The following MYO3B variants were observed in gnomAD, a reference collection of about 807,000 sequenced individuals.
MYO3B encodes the protein myosin IIIB.
A neutral mutation model predicts 174.6 loss-of-function variants in MYO3B; 156 were observed. The ratio of observed to expected loss-of-function variants is 0.89; its 90% confidence interval spans 0.78 to 1.02. The LOEUF is 1.02. Among genes scored for constraint, MYO3B ranks in the 50% least tolerant of loss-of-function variants. The pLI is 0.00. For synonymous variants in MYO3B, 563 were observed against 569.1 expected (o/e 0.99, Z 0.15); for missense variants, 1,632 against 1,639.4 (o/e 1.00, Z 0.08).
chr2:170,445,529 CG>C (rs2094834952), intron 23 of MYO3B, among the ~76,000 whole-genome samples: 1 of 151,946 alleles, frequency 6.6e-6, no homozygotes, highest in Non-Finnish European at 1.5e-5. Flanking sequence ...TTAGTAGAGA[CG>C]GGGTTTCTCC....
intron 32 of MYO3B, among the ~76,000 whole-genome samples, chr2:170,580,639 A>G (rs915431219): frequency 3.3e-5 from 5 of 152,174 alleles, no homozygotes; most frequent in African/African-American, 1.2e-4. Context: ...TCCGTCTCAA[A>G]AACAAAAACA....
intron 32 of MYO3B, among the ~76,000 whole-genome samples, chr2:170,598,611 C>G (rs940561665): frequency 9.9e-5 from 15 of 152,132 alleles, no homozygotes; most frequent in Non-Finnish European, 1.6e-4. Flanking sequence ...GCCACAGACC[C>G]GAGTCCATTG....
chr2:170,591,518 C>T (rs942981806), intron 32 of MYO3B, among the ~76,000 whole-genome samples: 5 of 152,188 alleles, frequency 3.3e-5, no homozygotes, highest in African/African-American at 1.2e-4. Flanking sequence ...CAAAGGGTGG[C>T]TAACACAGTC....
chr2:170,556,739 C>G (rs1370640296), intron 32 of MYO3B, among the ~76,000 whole-genome samples: 1 of 152,204 alleles, frequency 6.6e-6, no homozygotes, highest in South Asian at 2.1e-4. Flanking sequence ...CCAGGCTGGT[C>G]TCGAACTCCT....
At chr2:170,339,631 A>C (rs1469168499) in intron 8 of MYO3B, among the ~76,000 whole-genome samples, 10 of 152,180 alleles carry the variant, frequency 6.6e-5, no homozygotes, top group Non-Finnish European at 1.3e-4. Context: ...CAGCCTCCTT[A>C]ATTTAGAGAT....
intron 25 of MYO3B, among the ~76,000 whole-genome samples, chr2:170,495,071 G>A (rs564105126): frequency 6.6e-6 from 1 of 152,342 alleles, no homozygotes; most frequent in South Asian, 2.1e-4. Flanking sequence ...AGGCAGCTCA[G>A]GGAAGTCTGG....
At chr2:170,512,523 G>A (rs185175127) in intron 28 of MYO3B, among the ~76,000 whole-genome samples, 15 of 152,242 alleles carry the variant, frequency 9.9e-5, no homozygotes, top group East Asian at 3.9e-4. Flanking sequence ...GGGCAGGAAC[G>A]TTTACCCAGC....
intron 9 of MYO3B, among the ~76,000 whole-genome samples, chr2:170,374,374 A>AG (rs1380091866): frequency 6.6e-6 from 1 of 152,170 alleles, no homozygotes; most frequent in Non-Finnish European, 1.5e-5. Flanking sequence ...AGATTCAGTG[A>AG]GGGGATGATG....
In MYO3B at chr2:170,651,713, C is replaced by T; in HGVS notation, c.3819C>T (p.Thr1273=). 6.2e-7 allele frequency: 1 copy of T among 1,613,958 alleles called. No homozygotes were observed. Among genetic ancestry groups the T allele is most frequent in the Non-Finnish European group, 8.5e-7 (1 of 1,179,934 alleles). ...QPKMLSSPED[T]MYYNQLNGTL... ...AAATGCTGAGTAGCCCTGAGGACACCATGTACTATAACCAGTTAAATGTGA... is the reference window on the plus strand; with the variant it reads ...AAATGCTGAGTAGCCCTGAGGACACTATGTACTATAACCAGTTAAATGTGA... The change falls in exon 33 of 35, where the codon ACC becomes ACT. Residue 1273 remains threonine (T), a synonymous_variant. Transcript: ENST00000408978.
In MYO3B at chr2:170,380,558, G is replaced by A. The variant is rs192442704; in HGVS notation, c.972-1458G>A. Among the ~76,000 whole-genome samples the A allele has an allele frequency of 4.6e-5, 7 of 152,214 alleles. No individual in the cohort carries two copies. The East Asian group carries it at 9.6e-4, about 21-fold the overall frequency. On this transcript the variant is annotated intron_variant, in intron 9 of 34. Transcript: ENST00000408978. ...CTAGCCAATGCTTTCCTCCTAAACC[G>A]CATTGAGGAGTGATGAGTTTATGAA...
chr2:170,230,006 A>T lies in MYO3B; in HGVS notation c.604-5985A>T, dbSNP rs183822665. 3.5e-3 allele frequency among the ~76,000 whole-genome samples: 535 copies of T among 152,198 alleles called. 5 individuals are homozygous for T. The Middle Eastern group carries it at 0.041, about 12-fold the overall frequency. On this transcript the variant is annotated intron_variant, in intron 6 of 34. Coordinates refer to ENST00000408978, the MANE Select transcript of MYO3B (RefSeq NM_138995.5). ...GGGAATTTCATTTGTAAAACTGATT[A>T]AAAAAAATCTGCCACTGGAATAGTT...
At chr2:170,513,663 G>T (rs1688117977) in intron 28 of MYO3B, among the ~76,000 whole-genome samples, 1 of 152,158 alleles carries the variant, frequency 6.6e-6, no homozygotes, top group Non-Finnish European at 1.5e-5. Context: ...AAAAGTTTCA[G>T]GTGCTTTCAT....
At chr2:170,199,539 A>G (rs1362192350) in intron 2 of MYO3B, 148 bp downstream of exon 2, 1 of 661,014 alleles carries the variant, frequency 1.5e-6, no homozygotes, top group Non-Finnish European at 2.4e-6. Flanking sequence ...CTCTGAATGA[A>G]GGGACTCCAC....
intron 7 of MYO3B, among the ~76,000 whole-genome samples, chr2:170,261,260 G>T (rs1033585482): frequency 5.9e-5 from 9 of 152,002 alleles, no homozygotes; most frequent in African/African-American, 2.2e-4. Flanking sequence ...CTGGCCTCAA[G>T]GGATCCCACC....
intron 25 of MYO3B, among the ~76,000 whole-genome samples, chr2:170,473,474 C>T (rs1409482672): frequency 6.6e-6 from 1 of 152,018 alleles, no homozygotes; most frequent in African/African-American, 2.4e-5. Flanking sequence ...TTTATCATCC[C>T]TTGACTCACA....
At chr2:170,374,374 A>G (rs570868940) in intron 9 of MYO3B, among the ~76,000 whole-genome samples, 45 of 152,288 alleles carry the variant, frequency 3.0e-4, no homozygotes, top group Admixed American at 2.4e-3. Context: ...AGATTCAGTG[A>G]GGGGATGATG....
Position 170,400,259 on chromosome 2 carries a change from C to T in MYO3B, c.1863C>T (p.Ser621=). ...GGAACATTGAGTTCGCAGCTATTTC[C>T]TCTCAACATCAGACTGATAAAAGTG... ...NIGNIEFAAI[S]SQHQTDKSEV... Residue 621 remains serine (S), a synonymous_variant, in exon 17 of 35, where the codon TCC becomes TCT. Transcript: ENST00000408978. 4 of 1,614,086 alleles carry T rather than the reference C, an allele frequency of 2.5e-6. No individual in the cohort carries two copies. Among genetic ancestry groups the T allele is most frequent in the Non-Finnish European group, 3.4e-6 (4 of 1,180,006 alleles).
intron 32 of MYO3B, among the ~76,000 whole-genome samples, chr2:170,580,718 A>ATATATATATATGTGTGTGTG (rs768974458): frequency 9.0e-4 from 128 of 142,768 alleles, no homozygotes; most frequent in African/African-American, 3.2e-3. Flanking sequence ...AACCTTATAT[A>ATATATATATATGTGTGTGTG]TGTGTGTGTG....
At chr2:170,228,979 AAAC>A (rs1309927146) in intron 6 of MYO3B, among the ~76,000 whole-genome samples, 9 of 150,522 alleles carry the variant, frequency 6.0e-5, no homozygotes, top group Admixed American at 2.0e-4. Flanking sequence ...AAAAAAAAAA[AAAC>A]AACGAATCTC....
Sources: gnomAD v4.1 joint callset for allele counts (sites outside exome capture counted in the v4.1 genomes callset) on GRCh38, gnomAD v4.1.1 for gene constraint, MANE v1.5 for transcripts, NCBI Gene and HGNC (gene_info 2026-07-23, HGNC 2026-07-21) for gene names.